Variants in CACNA1C observed in about 807,000 individuals in gnomAD.
The protein encoded by CACNA1C is calcium voltage-gated channel subunit alpha1 C, also known as voltage-dependent L-type calcium channel subunit alpha-1C.
Under a neutral mutation model 229.0 loss-of-function variants are expected in CACNA1C, and 30 were observed. The observed-to-expected ratio is 0.13, with a 90% CI of 0.10 to 0.18. The LOEUF is 0.18. Among genes scored for constraint, CACNA1C ranks in the 10% least tolerant of loss-of-function variants. The pLI is 1.00. For missense variants in CACNA1C, 1,658 were observed against 2,845.0 expected, an observed-to-expected ratio of 0.58 and a Z score of 9.49; for synonymous variants, 1,114 against 1,132.5, an observed-to-expected ratio of 0.98 and a Z score of 0.33.
rs116129442 is a variant in CACNA1C at position 2,471,446 on chromosome 12, C to A, written c.757+13740C>A. Among the ~76,000 whole-genome samples the A allele has an allele frequency of 4.9e-3, 741 of 152,288 alleles. 11 individuals are homozygous for A. Among genetic ancestry groups the A allele is most frequent in the African/African-American group, 0.016 (675 of 41,552 alleles). On this transcript the variant is annotated intron_variant, in intron 5 of 46. Coordinates refer to ENST00000399655, the MANE Select transcript of CACNA1C (RefSeq NM_000719.7). The stretch of plus-strand genomic sequence containing the variant: ...ACTACACATTCTATAGATCCAAGTT[C>A]CCTTCTGGTATCATTTCCCCTTATC...
intron 1 of CACNA1C, among the ~76,000 whole-genome samples, chr12:2,085,539 A>T (rs1487287632): frequency 6.6e-6 from 1 of 151,702 alleles, no homozygotes; most frequent in Non-Finnish European, 1.5e-5. Context: ...CTTTCTTCTC[A>T]CTCCACAGCT....
chr12:2,635,860 GTGTA>G (rs932728479), intron 30 of CACNA1C, among the ~76,000 whole-genome samples: 5 of 152,074 alleles, frequency 3.3e-5, no homozygotes, highest in East Asian at 1.9e-4. Flanking sequence ...GTGTGCATGT[GTGTA>G]TGTGTGTGAG....
At chr12:2,625,614 C>T (rs1026035355) in intron 29 of CACNA1C, among the ~76,000 whole-genome samples, 2 of 152,142 alleles carry the variant, frequency 1.3e-5, no homozygotes, top group Non-Finnish European at 2.9e-5. Context: ...AGCACGTTCT[C>T]GGTGCCAGAC....
At chr12:2,063,694 C>G (rs2058352333) in intron 1 of CACNA1C, among the ~76,000 whole-genome samples, 1 of 152,176 alleles carries the variant, frequency 6.6e-6, no homozygotes, top group Admixed American at 6.5e-5. Flanking sequence ...CTTCAAGGTT[C>G]ATCCACGTTG....
rs869196313 is a variant in CACNA1C, at chr12:2,116,371, C to CTT, written c.371+843_371+844dup. Among the ~76,000 whole-genome samples the CTT allele has an allele frequency of 2.3e-4, 31 of 136,806 alleles. 1 individual carries two copies. The highest frequency in any genetic ancestry group is 4.6e-4 in the African/African-American group (17 of 37,250). The allele number at this position is 136,806 out of a possible 152,430, so 89.8% of individuals were successfully genotyped here. A position where few individuals can be genotyped will look rare whatever the true frequency, so the allele number is the denominator to read the frequency against. On this transcript the variant is annotated intron_variant, in intron 2 of 46. Coordinates refer to ENST00000399655, the MANE Select transcript of CACNA1C (RefSeq NM_000719.7). ...CTGGGGCTGTAGAAATTGGGAAGGA[C>CTT]TTTTTTTTTTTTTTTTTTGAGACGG...
At chr12:2,565,302 C>G (rs941606378) in intron 11 of CACNA1C, among the ~76,000 whole-genome samples, 2 of 151,384 alleles carry the variant, frequency 1.3e-5, no homozygotes, top group South Asian at 2.1e-4. Context: ...CCCGTCTCTA[C>G]TAAAAATACA....
intron 1 of CACNA1C, among the ~76,000 whole-genome samples, chr12:2,081,405 C>G (rs1397860246): frequency 6.6e-6 from 1 of 152,056 alleles, no homozygotes; most frequent in Non-Finnish European, 1.5e-5. Context: ...CCCGTCTCTA[C>G]TAAAAAATAC....
At position 2,354,451 on chromosome 12, in the gene CACNA1C, G is replaced by T. The variant is rs1387151096; in HGVS notation, c.478-94525G>T. Among the ~76,000 whole-genome samples, 1 of 152,184 alleles carries T rather than the reference G, an allele frequency of 6.6e-6. No homozygotes were observed. The highest frequency in any genetic ancestry group is 1.5e-5 in the Non-Finnish European group (1 of 68,034). On this transcript the variant is annotated intron_variant, in intron 3 of 46. Coordinates refer to ENST00000399655, the MANE Select transcript of CACNA1C (RefSeq NM_000719.7). The surrounding 1 kb of genome is among the most constrained non-coding windows in gnomAD (Gnocchi z 4.6). ...GCTGCAGCTATGACTGCAGCCTGTA[G>T]GGAAACGCCGGGAGGAACAGGAGAC...
At position 2,485,939 on chromosome 12, in the gene CACNA1C, C is replaced by T. The variant is rs376167905; in HGVS notation, c.758-165C>T. ...GAGTGAGGCCAACCTGGATTTAGAC[C>T]CCTGCACCATCAGTCCTTGGCGTGT... On this transcript the variant is annotated intron_variant, in intron 5 of 46. Coordinates refer to ENST00000399655, the MANE Select transcript of CACNA1C (RefSeq NM_000719.7). Among the ~76,000 whole-genome samples, 24 of 152,298 alleles carry T rather than the reference C, an allele frequency of 1.6e-4. No homozygotes were observed. The East Asian group carries it at 2.9e-3, about 18-fold the overall frequency.
At chr12:2,540,866 C>T (rs2099868279) in intron 9 of CACNA1C, among the ~76,000 whole-genome samples, 2 of 152,122 alleles carry the variant, frequency 1.3e-5, no homozygotes, top group Non-Finnish European at 2.9e-5. Context: ...TGCCCAACAG[C>T]GTATCACAGA....
chr12:2,558,962 C>G (rs1456324894), intron 11 of CACNA1C, among the ~76,000 whole-genome samples: 1 of 152,154 alleles, frequency 6.6e-6, no homozygotes. Flanking sequence ...AAATTTCTCT[C>G]TCTCAGTAAT....
chr12:2,256,364 G>A (rs966469212), intron 3 of CACNA1C, among the ~76,000 whole-genome samples: 3 of 152,206 alleles, frequency 2.0e-5, no homozygotes, highest in African/African-American at 7.2e-5. Context: ...GAACTGTTTT[G>A]CTAAGTCTAG....
chr12:2,694,982 A>G lies in CACNA1C; in HGVS notation c.*3783A>G, dbSNP rs909746189. 22 of 152,234 alleles carry G rather than the reference A, an allele frequency of 1.4e-4. No individual in the cohort carries two copies. The highest frequency in any genetic ancestry group is 5.1e-4 in the African/African-American group (21 of 41,458). 9.4% of individuals were successfully genotyped at this position (152,234 alleles called of 1,614,324 possible). On this transcript the variant is annotated 3_prime_UTR_variant, in exon 47 of 47. Transcript: ENST00000399655. ...GGAGGATGATGGCATCTCCATCCCTAGAGGCCAAGAATTGAAATATCATTG... is the reference window on the plus strand; with the variant it reads ...GGAGGATGATGGCATCTCCATCCCTGGAGGCCAAGAATTGAAATATCATTG...
At position 2,186,172 on chromosome 12, in the gene CACNA1C, G is replaced by A. The variant is rs774852849; in HGVS notation, c.477+65742G>A. 1.4e-4 allele frequency among the ~76,000 whole-genome samples: 22 copies of A among 152,152 alleles called. 1 individual carries two copies. The highest frequency in any genetic ancestry group is 4.1e-4 in the South Asian group (2 of 4,824). On this transcript the variant is annotated intron_variant, in intron 3 of 46. Transcript: ENST00000399655. ...ACTGCCCAGCCCAGGACCAATTAGC[G>A]TGGGATGGTTGCAATAAAGGTCTCC...
chr12:2,424,737 G>C (rs1418338289), intron 3 of CACNA1C, among the ~76,000 whole-genome samples: 4 of 152,188 alleles, frequency 2.6e-5, no homozygotes, highest in African/African-American at 4.8e-5. Context: ...GGCAAAGTCT[G>C]TTCCAGGTAC....
At chr12:2,167,433 C>T (rs1286626169) in intron 3 of CACNA1C, among the ~76,000 whole-genome samples, 3 of 152,184 alleles carry the variant, frequency 2.0e-5, no homozygotes, top group Admixed American at 1.3e-4. Context: ...ATATTCTAGA[C>T]ATTGTTGATG....
intron 3 of CACNA1C, among the ~76,000 whole-genome samples, chr12:2,405,074 T>C (rs2098720943): frequency 6.6e-6 from 1 of 152,204 alleles, no homozygotes; most frequent in Admixed American, 6.5e-5. Context: ...ACTCGGCTAC[T>C]CCCTGTGGGA....
At chr12:2,461,989 C>T (rs769245875) in intron 5 of CACNA1C, among the ~76,000 whole-genome samples, 7 of 152,158 alleles carry the variant, frequency 4.6e-5, no homozygotes, top group African/African-American at 7.2e-5. Flanking sequence ...GGACCCTCCA[C>T]GGCTTCCCTG....
rs1482777590 is a variant in CACNA1C at position 2,403,730 on chromosome 12, T to G, written c.478-45246T>G. 1.3e-5 allele frequency among the ~76,000 whole-genome samples: 2 copies of G among 151,916 alleles called. No individual in the cohort carries two copies. Among genetic ancestry groups the G allele is most frequent in the Non-Finnish European group, 2.9e-5 (2 of 67,974 alleles). The stretch of plus-strand genomic sequence containing the variant: ...TCTCTCCAGTCCAGCCCCCACCATC[T>G]CCCAGTGAGCCCCAGGTAGACGTCT... On this transcript the variant is annotated intron_variant, in intron 3 of 46. Coordinates refer to ENST00000399655, the MANE Select transcript of CACNA1C (RefSeq NM_000719.7). The surrounding 1 kb of genome is among the most constrained non-coding windows in gnomAD (Gnocchi z 4.1).
Sources: allele counts gnomAD v4.1 joint callset (sites outside exome capture counted in the v4.1 genomes callset), GRCh38; gene constraint gnomAD v4.1.1; non-coding constraint Gnocchi (gnomAD v3.1); transcripts MANE v1.5; gene names NCBI Gene and HGNC (gene_info 2026-07-23, HGNC 2026-07-21).